Variants in EDA observed in about 807,000 individuals in gnomAD.
The protein encoded by EDA is ectodysplasin-A.
A neutral mutation model predicts 23.6 loss-of-function variants in EDA; 2 were observed. The ratio of observed to expected loss-of-function variants is 0.08; its 90% CI spans 0.03 to 0.27. EDA has a LOEUF of 0.27. Ranked by LOEUF, EDA falls within the 10% of genes least tolerant of loss-of-function variation. EDA has a pLI of 1.00. For synonymous variants in EDA, 131 were observed against 132.0 expected, an observed-to-expected ratio of 0.99 and a Z score of 0.05; for missense variants, 229 against 324.2, an observed-to-expected ratio of 0.71 and a Z score of 2.26.
intron 1 of EDA, among the ~76,000 whole-genome samples, chrX:69,796,641 C>A (rs2015552191): frequency 9.0e-6 from 1 of 111,620 alleles, no homozygotes; most frequent in Admixed American, 9.5e-5. Flanking sequence ...GTGCAGATAT[C>A]AAATAAAGAA....
chrX:69,660,985 T>G (rs368591118), intron 1 of EDA, among the ~76,000 whole-genome samples: 1 of 110,931 alleles, frequency 9.0e-6, no homozygotes, highest in Non-Finnish European at 1.9e-5. Context: ...GTTCCTATTT[T>G]TCCACATCCT....
At chrX:69,696,252 A>T (rs1179513207) in intron 1 of EDA, among the ~76,000 whole-genome samples, 22 of 110,586 alleles carry the variant, frequency 2.0e-4, no homozygotes, top group African/African-American at 7.2e-4. Flanking sequence ...AAAAAAAAAA[A>T]CGTGGATCAA....
intron 1 of EDA, among the ~76,000 whole-genome samples, chrX:69,744,187 A>C (rs748779927): frequency 8.9e-6 from 1 of 111,871 alleles, no homozygotes; most frequent in African/African-American, 3.3e-5. Context: ...CTGTTTCTGA[A>C]TATCTGTGTG....
intron 1 of EDA, among the ~76,000 whole-genome samples, chrX:69,736,802 C>T: frequency 1.0e-5 from 1 of 97,742 alleles, no homozygotes; most frequent in African/African-American, 3.8e-5. Flanking sequence ...GACAGTGTCT[C>T]ACTCTGTCAC....
At chrX:69,762,080 A>G (rs1602379944) in intron 1 of EDA, among the ~76,000 whole-genome samples, 2 of 111,847 alleles carry the variant, frequency 1.8e-5, no homozygotes, top group East Asian at 5.6e-4. Flanking sequence ...AGTTACCTAG[A>G]AAAGTGAGGT....
chrX:69,816,101 G>A (rs2016075617), intron 1 of EDA, among the ~76,000 whole-genome samples: 1 of 111,421 alleles, frequency 9.0e-6, no homozygotes, highest in South Asian at 3.9e-4. Flanking sequence ...AACCATGGCA[G>A]CCCTGAGGTA....
intron 1 of EDA, among the ~76,000 whole-genome samples, chrX:69,695,512 C>CTTTTTTTTTT (rs34298428): frequency 2.3e-5 from 2 of 88,867 alleles, no homozygotes; most frequent in Non-Finnish European, 4.4e-5. Flanking sequence ...TTCCTTCTTT[C>CTTTTTTTTTT]TTTTTTTTTT....
intron 1 of EDA, among the ~76,000 whole-genome samples, chrX:69,798,130 A>G (rs1305217006): frequency 9.0e-6 from 1 of 111,692 alleles, no homozygotes; most frequent in Non-Finnish European, 1.9e-5. Flanking sequence ...ATTGAAATAC[A>G]TACACACCTA....
intron 1 of EDA, among the ~76,000 whole-genome samples, chrX:69,693,662 G>A (rs759107752): frequency 4.0e-4 from 45 of 111,388 alleles, no homozygotes; most frequent in Non-Finnish European, 5.5e-4. Flanking sequence ...CAGTCTTTCC[G>A]GAAGACTGAG....
At chrX:69,979,902 AT>A (rs780291107) in intron 2 of EDA, among the ~76,000 whole-genome samples, 177 of 109,460 alleles carry the variant, frequency 1.6e-3, no homozygotes, top group African/African-American at 4.6e-3. Context: ...CAATTCATCT[AT>A]TTTTTTTCTT....
intron 2 of EDA, among the ~76,000 whole-genome samples, chrX:70,002,786 C>A (rs775094062): frequency 6.2e-5 from 7 of 112,171 alleles, no homozygotes; most frequent in Non-Finnish European, 1.1e-4. Flanking sequence ...ATTAGCTTAA[C>A]TCAGCTCCCC....
intron 1 of EDA, among the ~76,000 whole-genome samples, chrX:69,667,910 A>T (rs2147263468): frequency 8.9e-6 from 1 of 111,858 alleles, no homozygotes; most frequent in Non-Finnish European, 1.9e-5. Context: ...GGCTTTTATA[A>T]CAAGCCCACT....
At chrX:69,836,760 A>G (rs2016786776) in intron 1 of EDA, among the ~76,000 whole-genome samples, 1 of 111,975 alleles carries the variant, frequency 8.9e-6, no homozygotes, top group Non-Finnish European at 1.9e-5. Flanking sequence ...TCCAGTCTCA[A>G]TGAGTTGAAC....
At chrX:69,714,338 G>A (rs767348173) in intron 1 of EDA, among the ~76,000 whole-genome samples, 9 of 110,470 alleles carry the variant, frequency 8.1e-5, no homozygotes, top group African/African-American at 2.0e-4. Context: ...ATATTTTCTC[G>A]TAGTCTATAA....
At chrX:69,864,684 G>T in intron 1 of EDA, among the ~76,000 whole-genome samples, 1 of 112,132 alleles carries the variant, frequency 8.9e-6, no homozygotes, top group African/African-American at 3.2e-5. Flanking sequence ...AGAAAAAAGT[G>T]AAGTCCAACT....
At chrX:69,645,584 T>TTTTATATATATATATATATA (rs1555976075) in intron 1 of EDA, among the ~76,000 whole-genome samples, 1 of 54,371 alleles carries the variant, frequency 1.8e-5, no homozygotes, top group African/African-American at 1.1e-4. Flanking sequence ...TCTAGTTCTT[T>TTTTATATATATATATATATA]TATATATATG....
In EDA at chrX:69,825,484, A is replaced by G. The variant is rs1398558826; in HGVS notation, c.397-131543A>G. Among the ~76,000 whole-genome samples the G allele has an allele frequency of 6.3e-5, 7 of 110,974 alleles. No homozygotes were observed. The South Asian group carries it at 1.1e-3, about 18-fold the overall frequency. ...CTTCTAGATTTTCTAGTTTATTTGC[A>G]TAGAGGTGTTTGTAGTATTCTCTGA... is the stretch of plus-strand genomic sequence containing the variant. On this transcript the variant is annotated intron_variant, in intron 1 of 7. Coordinates refer to ENST00000374552, the MANE Select transcript of EDA (RefSeq NM_001399.5).
rs183647457 is a variant in EDA, at chrX:69,814,864, A to C, written c.397-142163A>C. Among the ~76,000 whole-genome samples, 182 of 111,714 alleles carry C rather than the reference A, an allele frequency of 1.6e-3. 1 individual carries two copies. Among genetic ancestry groups the C allele is most frequent in the African/African-American group, 5.6e-3 (173 of 30,725 alleles). ...CATGGATCAGGAGATCCCCTCGTGA[A>C]CCCATGCCACCAGGGCCTTGGGTCT... On this transcript the variant is annotated intron_variant, in intron 1 of 7. Coordinates refer to ENST00000374552, the MANE Select transcript of EDA (RefSeq NM_001399.5).
chrX:69,791,557 A>G (rs1421351711), intron 1 of EDA, among the ~76,000 whole-genome samples: 2 of 112,370 alleles, frequency 1.8e-5, no homozygotes, highest in African/African-American at 6.5e-5. Context: ...GTAAATTAGA[A>G]ATTAAAGCTG....
Sources: gnomAD v4.1 joint callset for allele counts (sites outside exome capture counted in the v4.1 genomes callset) on GRCh38, gnomAD v4.1.1 for gene constraint, MANE v1.5 for transcripts, NCBI Gene and HGNC (gene_info 2026-07-23, HGNC 2026-07-21) for gene names.